Variants in ARHGEF9 observed in about 807,000 individuals in gnomAD.
ARHGEF9 encodes rho guanine nucleotide exchange factor 9.
In ARHGEF9, 2 loss-of-function variants were observed where a neutral mutation model predicts 41.3. The ratio of observed to expected loss-of-function variants is 0.05; its 90% confidence interval spans 0.02 to 0.15. The LOEUF (loss-of-function observed/expected upper bound fraction) is 0.15. Among genes scored for constraint, ARHGEF9 ranks in the 10% least tolerant of loss-of-function variants. The probability of loss-of-function intolerance (pLI) is 1.00; values close to 1 mark genes in which losing one functional copy is unlikely to be tolerated. For synonymous variants in ARHGEF9, 160 were observed against 154.4 expected (o/e 1.04, Z -0.27); for missense variants, 225 against 424.7 (o/e 0.53, Z 4.13).
chrX:63,666,154 G>T (rs2049528118), intron 6 of ARHGEF9, 137 bp from the exon 7 acceptor site: 2 of 779,484 alleles, frequency 2.6e-6, no homozygotes, highest in African/African-American at 2.1e-5. Flanking sequence ...AGGGAGAGAG[G>T]GACTCCTGGG....
intron 4 of ARHGEF9, among the ~76,000 whole-genome samples, chrX:63,691,799 C>A (rs1556381716): frequency 9.0e-6 from 1 of 111,170 alleles, no homozygotes; most frequent in Non-Finnish European, 1.9e-5. Flanking sequence ...TACCTAACTT[C>A]AAAATACACT....
At chrX:63,646,855 C>T (rs1388214196) in intron 8 of ARHGEF9, among the ~76,000 whole-genome samples, 1 of 111,643 alleles carries the variant, frequency 9.0e-6, no homozygotes, top group Non-Finnish European at 1.9e-5. Context: ...ATTCTTCCTA[C>T]CCATGAGCAT....
intron 1 of ARHGEF9, among the ~76,000 whole-genome samples, chrX:63,753,828 C>T (rs371948173): frequency 8.9e-6 from 1 of 111,939 alleles, no homozygotes; most frequent in East Asian, 2.8e-4. Context: ...TCACCAACTG[C>T]CAGCACAACA....
At chrX:63,652,933 C>T (rs2048643837) in intron 8 of ARHGEF9, among the ~76,000 whole-genome samples, 1 of 111,094 alleles carries the variant, frequency 9.0e-6, no homozygotes, top group African/African-American at 3.3e-5. Flanking sequence ...CTCTCTCCTG[C>T]CACTATGTGA....
intron 1 of ARHGEF9, among the ~76,000 whole-genome samples, chrX:63,747,893 C>G (rs2055372325): frequency 8.9e-6 from 1 of 112,381 alleles, no homozygotes; most frequent in African/African-American, 3.2e-5. Flanking sequence ...TGACCCTCAG[C>G]CAAGTTCTGA....
At chrX:63,656,224 G>A (rs781979784) in intron 7 of ARHGEF9, among the ~76,000 whole-genome samples, 1 of 110,756 alleles carries the variant, frequency 9.0e-6, no homozygotes, top group African/African-American at 3.3e-5. Flanking sequence ...ACCTAGGGGG[G>A]GTCTAACACT....
At chrX:63,652,794 G>A (rs1354958687) in intron 8 of ARHGEF9, among the ~76,000 whole-genome samples, 1 of 110,964 alleles carries the variant, frequency 9.0e-6, no homozygotes, top group East Asian at 2.9e-4. Context: ...CCCATGTGTT[G>A]GGGGAGGGGC....
chrX:63,643,612 T>A (rs1372960960), intron 9 of ARHGEF9, among the ~76,000 whole-genome samples: 1 of 110,838 alleles, frequency 9.0e-6, no homozygotes, highest in Non-Finnish European at 1.9e-5. Context: ...CCCAAAGTGC[T>A]GGGATTACAG....
At chrX:63,747,779 G>A (rs1423149963) in intron 1 of ARHGEF9, among the ~76,000 whole-genome samples, 5 of 112,307 alleles carry the variant, frequency 4.5e-5, no homozygotes, top group South Asian at 7.4e-4. Flanking sequence ...AAGAATTTCC[G>A]GAACTCTTTG....
rs1801117611 is a variant in ARHGEF9, at chrX:63,643,867, T to G, written c.1390+113A>C. 5.1e-6 allele frequency: 4 copies of G among 789,922 alleles called. No homozygotes were observed. The South Asian group carries it at 9.8e-5, about 19-fold the overall frequency. The allele number at this position is 789,922 out of a possible 1,213,427, so 65.1% of individuals were successfully genotyped here. A position where few individuals can be genotyped will look rare whatever the true frequency, so the allele number is the denominator to read the frequency against. On this transcript the variant is annotated intron_variant, in intron 9 of 9. Transcript: ENST00000671741. ...CATCAAGGACACCTAGGGACCTGGA[T>G]ACTCCTCCACCACCCCCAAGTAAAC...
At chrX:63,782,246 A>G (rs1220574360) in intron 1 of ARHGEF9, among the ~76,000 whole-genome samples, 4 of 111,790 alleles carry the variant, frequency 3.6e-5, no homozygotes, top group African/African-American at 1.3e-4. Flanking sequence ...GTGTTGAATA[A>G]ATTAATGACC....
intron 1 of ARHGEF9, among the ~76,000 whole-genome samples, chrX:63,728,666 G>A (rs2054116130): frequency 8.9e-6 from 1 of 112,205 alleles, no homozygotes; most frequent in Non-Finnish European, 1.9e-5. Flanking sequence ...GGGTAATAAT[G>A]TTTGCCTCAC....
chrX:63,763,205 T>G (rs1321671698), intron 1 of ARHGEF9, among the ~76,000 whole-genome samples: 1 of 110,525 alleles, frequency 9.0e-6, no homozygotes, highest in Non-Finnish European at 1.9e-5. Flanking sequence ...TGATGTGTGA[T>G]CTTTTAGGTA....
chrX:63,780,592 A>T (rs1430067021), intron 1 of ARHGEF9, among the ~76,000 whole-genome samples: 1 of 112,291 alleles, frequency 8.9e-6, no homozygotes, highest in East Asian at 2.8e-4. Context: ...GAAATAAAAC[A>T]CTCCTTCCTT....
chrX:63,767,152 C>T, intron 1 of ARHGEF9: 2 of 851,671 alleles, frequency 2.3e-6, no homozygotes, highest in South Asian at 4.0e-5. Flanking sequence ...AAGCAGCTGA[C>T]AGAAATGCCA....
rs1473885647 is a variant in ARHGEF9 at position 63,637,874 on chromosome X, GTGTGTGTC to G, written c.*146_*153del. The G allele has an allele frequency of 3.2e-4, 132 of 412,274 alleles. No homozygotes were observed. Among genetic ancestry groups the G allele is most frequent in the Admixed American group, 1.7e-3 (38 of 22,235 alleles). 34.0% of individuals were successfully genotyped at this position (412,274 alleles called of 1,213,427 possible). On this transcript the variant is annotated 3_prime_UTR_variant, in exon 10 of 10. Transcript: ENST00000671741. The stretch of plus-strand genomic sequence containing the variant: ...TGTGTGTGTGTGTGTGTGTGTGTGT[GTGTGTGTC>G]TGTGTGTGTGTGTGTGTATGTGTAC...
At chrX:63,660,502 C>T (rs1556340310) in intron 7 of ARHGEF9, among the ~76,000 whole-genome samples, 1 of 111,122 alleles carries the variant, frequency 9.0e-6, no homozygotes, top group African/African-American at 3.3e-5. Flanking sequence ...ATGCAATTTA[C>T]CTACGTAACA....
At chrX:63,647,263 C>A (rs781954941) in intron 8 of ARHGEF9, among the ~76,000 whole-genome samples, 10 of 111,831 alleles carry the variant, frequency 8.9e-5, no homozygotes, top group African/African-American at 2.9e-4. Context: ...ACTTCCAACA[C>A]TATGTTGAAT....
At chrX:63,653,593 TATATA>T (rs1244887359) in intron 8 of ARHGEF9, among the ~76,000 whole-genome samples, 11 of 111,131 alleles carry the variant, frequency 9.9e-5, no homozygotes, top group African/African-American at 2.3e-4. Context: ...CAAGGTAATA[TATATA>T]ATATAATTTT....
Sources: gnomAD v4.1 joint callset for allele counts (sites outside exome capture counted in the v4.1 genomes callset) on GRCh38, gnomAD v4.1.1 for gene constraint, MANE v1.5 for transcripts, NCBI Gene and HGNC (gene_info 2026-07-23, HGNC 2026-07-21) for gene names.